MYT1L: variants seen among roughly 807,000 people sequenced by gnomAD.
MYT1L encodes myelin transcription factor 1 like, also known as myelin transcription factor 1-like protein.
Under a neutral mutation model 126.7 loss-of-function variants are expected in MYT1L, and 12 were observed. The observed-to-expected ratio is 0.09, with a 90% CI of 0.06 to 0.15. The LOEUF is 0.15. Among genes scored for constraint, MYT1L ranks in the 10% least tolerant of loss-of-function variants. MYT1L has a pLI of 1.00. For synonymous variants in MYT1L, 541 were observed against 604.2 expected (o/e 0.90, Z 1.53); for missense variants, 979 against 1,585.2 (o/e 0.62, Z 6.49).
intron 2 of MYT1L, among the ~76,000 whole-genome samples, chr2:2,200,909 A>T (rs1016667619): frequency 6.6e-6 from 1 of 152,202 alleles, no homozygotes; most frequent in African/African-American, 2.4e-5. Context: ...TTCCTGAGAC[A>T]TGCAGATTAG....
At chr2:2,271,665 T>C (rs1193214655) in intron 2 of MYT1L, among the ~76,000 whole-genome samples, 4 of 152,140 alleles carry the variant, frequency 2.6e-5, no homozygotes, top group African/African-American at 4.8e-5. Flanking sequence ...AAGTGCAACA[T>C]CGAGGAGCCA....
At chr2:2,250,543 G>C (rs2094618014) in intron 2 of MYT1L, among the ~76,000 whole-genome samples, 1 of 150,144 alleles carries the variant, frequency 6.7e-6, no homozygotes, top group Admixed American at 6.6e-5. Flanking sequence ...CGGGGAAGTG[G>C]GGATGGTGAA....
chr2:2,011,485 T>C (rs887859059), intron 4 of MYT1L, among the ~76,000 whole-genome samples: 36 of 150,050 alleles, frequency 2.4e-4, no homozygotes, highest in African/African-American at 8.5e-4. Context: ...TTCTTAAATA[T>C]GACAACAAAA....
intron 14 of MYT1L, among the ~76,000 whole-genome samples, chr2:1,895,375 A>C (rs1009477124): frequency 1.3e-5 from 2 of 152,250 alleles, no homozygotes; most frequent in African/African-American, 4.8e-5. Context: ...ATTTCTATGA[A>C]ATCAAAAAAG....
At chr2:2,186,967 C>A (rs114918264) in intron 2 of MYT1L, among the ~76,000 whole-genome samples, 3,307 of 152,190 alleles carry the variant, frequency 0.022, 127 homozygotes, top group African/African-American at 0.075. Context: ...TGCTCTGATC[C>A]TCCTTTTGGA....
chr2:2,141,649 C>T (rs150885718), intron 3 of MYT1L, among the ~76,000 whole-genome samples: 24 of 152,260 alleles, frequency 1.6e-4, no homozygotes, highest in African/African-American at 5.3e-4. Flanking sequence ...GAAAAGTCTG[C>T]GAGGGCCAAT....
chr2:2,180,676 G>C (rs1176567661), intron 2 of MYT1L, among the ~76,000 whole-genome samples: 1 of 150,214 alleles, frequency 6.7e-6, no homozygotes, highest in Non-Finnish European at 1.5e-5. Context: ...GTGTGCACCT[G>C]TGTGTTTTTG....
At chr2:2,080,279 A>G (rs191273537) in intron 3 of MYT1L, among the ~76,000 whole-genome samples, 25 of 152,302 alleles carry the variant, frequency 1.6e-4, no homozygotes, top group African/African-American at 5.8e-4. Flanking sequence ...TCTTAAATAC[A>G]CCACCAAAAA....
rs2035686686 is a variant in MYT1L, at chr2:1,806,198, A to G, written c.3172+2878T>C. ...AGAAAGAACTATCTCAGTTTGGTGCAAACAGTGTCAGGAATCGACAGCCCC... is the reference window on the plus strand; with the variant it reads ...AGAAAGAACTATCTCAGTTTGGTGCGAACAGTGTCAGGAATCGACAGCCCC... On this transcript the variant is annotated intron_variant, in intron 22 of 24. Coordinates refer to ENST00000647738, the MANE Select transcript of MYT1L (RefSeq NM_001303052.2). This position sits in a 1 kb window ranked among gnomAD's most constrained non-coding sequence, Gnocchi z 4.9. Among the ~76,000 whole-genome samples, 1 of 152,208 alleles carries G rather than the reference A, an allele frequency of 6.6e-6. No individual in the cohort carries two copies. Among genetic ancestry groups the G allele is most frequent in the African/African-American group, 2.4e-5 (1 of 41,456 alleles).
chr2:2,138,245 G>T (rs1348708210), intron 3 of MYT1L, among the ~76,000 whole-genome samples: 2 of 150,592 alleles, frequency 1.3e-5, no homozygotes, highest in Non-Finnish European at 3.0e-5. Flanking sequence ...CACTGTTGGT[G>T]GGACTGGAAA....
At chr2:1,823,511 TC>T (rs1558659906) in intron 21 of MYT1L, among the ~76,000 whole-genome samples, 3 of 151,862 alleles carry the variant, frequency 2.0e-5, no homozygotes, top group Non-Finnish European at 2.9e-5. Flanking sequence ...TCTGAGCAGC[TC>T]CCCCAGGACG....
At chr2:2,147,662 G>GTGGGTGGC (rs2085085005) in intron 3 of MYT1L, among the ~76,000 whole-genome samples, 1 of 152,196 alleles carries the variant, frequency 6.6e-6, no homozygotes, top group Non-Finnish European at 1.5e-5. Context: ...CGGGGGGCGG[G>GTGGGTGGC]TGGGTGGCTC....
At chr2:2,159,592 C>T (rs1034669748) in intron 3 of MYT1L, among the ~76,000 whole-genome samples, 16 of 152,020 alleles carry the variant, frequency 1.1e-4, no homozygotes, top group African/African-American at 3.9e-4. Context: ...TTGAGATTGC[C>T]GACTAGGAGG....
chr2:2,174,242 T>C (rs568013578), intron 2 of MYT1L, among the ~76,000 whole-genome samples: 1 of 152,328 alleles, frequency 6.6e-6, no homozygotes, highest in South Asian at 2.1e-4. Context: ...TAATACAAAT[T>C]ATAATTTGGG....
chr2:2,020,348 T>C (rs940020846), intron 4 of MYT1L, among the ~76,000 whole-genome samples: 6 of 152,308 alleles, frequency 3.9e-5, no homozygotes, highest in Admixed American at 3.9e-4. Flanking sequence ...TTCTCAAGGG[T>C]AGAGATTTAT....
intron 8 of MYT1L, among the ~76,000 whole-genome samples, chr2:1,956,188 G>A (rs62116698): frequency 1.5e-5 from 1 of 64,990 alleles, no homozygotes; most frequent in South Asian, 5.2e-4. Flanking sequence ...CATTTACCTA[G>A]CTGTCTATCT....
At chr2:2,261,900 A>T (rs2094977611) in intron 2 of MYT1L, among the ~76,000 whole-genome samples, 1 of 152,250 alleles carries the variant, frequency 6.6e-6, no homozygotes, top group Non-Finnish European at 1.5e-5. Flanking sequence ...AAACTTAAAA[A>T]ATACACAGGG....
chr2:1,889,475 G>A lies in MYT1L; in HGVS notation c.2286C>T (p.Asn762=). ...CGTTCTCATCCACCTCCATGTCAGG[G>A]TTCTGTCGGTAGAAAGACATAGTGA... ...TKPQDLCATR[N]PDMEVDENGT... The change falls in exon 16 of 25, where the codon AAC becomes AAT. Residue 762 remains asparagine, a splice_region_variant and synonymous_variant. Coordinates refer to ENST00000647738, the MANE Select transcript of MYT1L (RefSeq NM_001303052.2). This position sits in a 1 kb window ranked among gnomAD's most constrained non-coding sequence, Gnocchi z 4.1. The A allele has an allele frequency of 6.3e-7, 1 of 1,592,564 alleles. No individual in the cohort carries two copies. The highest frequency in any genetic ancestry group is 8.6e-7 in the Non-Finnish European group (1 of 1,166,712).
chr2:2,266,495 G>A (rs2149316163), intron 2 of MYT1L, among the ~76,000 whole-genome samples: 1 of 152,264 alleles, frequency 6.6e-6, no homozygotes, highest in Non-Finnish European at 1.5e-5. Flanking sequence ...ATGGGGGTGG[G>A]GTGGGGTGAG....
Sources: gnomAD v4.1 joint callset for allele counts (sites outside exome capture counted in the v4.1 genomes callset) on GRCh38, gnomAD v4.1.1 for gene constraint, Gnocchi (gnomAD v3.1) non-coding constraint, MANE v1.5 for transcripts, NCBI Gene and HGNC (gene_info 2026-07-23, HGNC 2026-07-21) for gene names.